Variants in ZNF710 observed in about 807,000 individuals in gnomAD.
ZNF710 encodes zinc finger protein 710.
A neutral mutation model predicts 50.6 loss-of-function variants in ZNF710; 13 were observed. That is an observed-to-expected ratio of 0.26 (90% confidence interval 0.17 to 0.41). The LOEUF (loss-of-function observed/expected upper bound fraction) is 0.41. Among genes scored for constraint, ZNF710 ranks in the 10% least tolerant of loss-of-function variants. The pLI, the probability that ZNF710 is intolerant of heterozygous loss-of-function variation, is 1.00. For missense variants in ZNF710, 721 were observed against 936.6 expected (o/e 0.77, Z 3.01); for synonymous variants, 383 against 397.0 (o/e 0.96, Z 0.42).
At chr15:90,009,953 C>T (rs140998343) in intron 1 of ZNF710, among the ~76,000 whole-genome samples, 1 of 152,292 alleles carries the variant, frequency 6.6e-6, no homozygotes, top group African/African-American at 2.4e-5. Flanking sequence ...CTTCCTCTTA[C>T]CTGACTTCTC....
At chr15:89,999,664 G>A (rs1162428168), upstream of ZNF710, among the ~76,000 whole-genome samples, 6 of 152,098 alleles carry the variant, frequency 3.9e-5, no homozygotes, top group Admixed American at 1.3e-4. Context: ...GCTGGTTTAG[G>A]GTGGGGCGAG....
intron 1 of ZNF710, among the ~76,000 whole-genome samples, chr15:90,053,731 G>C (rs1216451538): frequency 2.6e-5 from 4 of 152,106 alleles, no homozygotes. Context: ...TCCTGATGTG[G>C]GTGCCGGCTT....
At chr15:90,014,013 A>G (rs144364827) in intron 1 of ZNF710, among the ~76,000 whole-genome samples, 2 of 152,210 alleles carry the variant, frequency 1.3e-5, no homozygotes, top group East Asian at 1.9e-4. Flanking sequence ...TAGTTGTTTC[A>G]TAGATATTTA....
In ZNF710 at chr15:90,068,711, G is replaced by T. The variant is rs75188126; in HGVS notation, c.1458+116G>T. 2 of 1,189,842 alleles carry T rather than the reference G, an allele frequency of 1.7e-6. No homozygotes were observed. Among genetic ancestry groups the T allele is most frequent in the Non-Finnish European group, 2.3e-6 (2 of 856,852 alleles). The allele number at this position is 1,189,842 out of a possible 1,614,324, so 73.7% of individuals were successfully genotyped here. On this transcript the variant is annotated intron_variant, in intron 2 of 4. Transcript: ENST00000268154. The surrounding 1 kb of genome is among the most constrained non-coding windows in gnomAD (Gnocchi z 5.0). Reference sequence around the variant, plus strand: ...GGTGGTCTCCTAGTTTTATCGTTACGTACTTATTTTGATGAGTATTAGAAA... The same window carrying T: ...GGTGGTCTCCTAGTTTTATCGTTACTTACTTATTTTGATGAGTATTAGAAA...
chr15:90,044,177 G>A (rs978853852), intron 1 of ZNF710, among the ~76,000 whole-genome samples: 1 of 152,190 alleles, frequency 6.6e-6, no homozygotes, highest in Non-Finnish European at 1.5e-5. Context: ...GGACCTGTTC[G>A]TCACACAGGA....
At chr15:90,049,712 G>T (rs1899579152) in intron 1 of ZNF710, among the ~76,000 whole-genome samples, 1 of 151,976 alleles carries the variant, frequency 6.6e-6, no homozygotes, top group South Asian at 2.1e-4. Flanking sequence ...TCCTTCCCAG[G>T]CCCCACTGCC....
chr15:90,028,833 C>G (rs7171721), intron 1 of ZNF710, among the ~76,000 whole-genome samples: 87,458 of 151,892 alleles, frequency 0.58, 26,180 homozygotes, highest in African/African-American at 0.67. Flanking sequence ...TGGAAAATTG[C>G]TTGTGGCATC....
chr15:90,069,508 A>C (rs779744854), intron 2 of ZNF710, among the ~76,000 whole-genome samples: 1 of 152,100 alleles, frequency 6.6e-6, no homozygotes, highest in African/African-American at 2.4e-5. Context: ...AGATGGGAGG[A>C]CAGAGGCCAG....
intron 1 of ZNF710, among the ~76,000 whole-genome samples, chr15:90,038,428 T>C (rs1262713823): frequency 2.6e-5 from 4 of 152,252 alleles, no homozygotes; most frequent in African/African-American, 9.6e-5. Flanking sequence ...GTGGTTTTGC[T>C]GAGTCATTTG....
chr15:90,062,570 C>T lies in ZNF710; in HGVS notation c.-28-4540C>T, dbSNP rs1316722319. ...GGGTTGGGTGGGGAGGCAGCCCTGG[C>T]ACACAGGTGACGCACACCTGGCAGG... On this transcript the variant is annotated intron_variant, in intron 1 of 4. Coordinates refer to ENST00000268154, the MANE Select transcript of ZNF710 (RefSeq NM_198526.4). This position sits in a 1 kb window ranked among gnomAD's most constrained non-coding sequence, Gnocchi z 5.6. Among the ~76,000 whole-genome samples the T allele has an allele frequency of 6.6e-6, 1 of 152,192 alleles. No individual in the cohort carries two copies. The highest frequency in any genetic ancestry group is 1.5e-5 in the Non-Finnish European group (1 of 68,038).
chr15:90,074,274 C>G lies in ZNF710; in HGVS notation c.1809C>G (p.Ile603Met). Reference protein sequence around the residue: ...HMKVKHGVMDIGLDSQDPMME... With the variant: ...HMKVKHGVMDMGLDSQDPMME... ...AGGTCAAGCATGGCGTCATGGACAT[C>G]GGCCTGGACAGCCAAGGTGGGTGGG... The change falls in exon 4 of 5, where the codon ATC becomes ATG. Residue 603 changes from isoleucine (I) to methionine (M), a missense_variant. Transcript: ENST00000268154. The G allele has an allele frequency of 1.2e-6, 2 of 1,613,438 alleles. No homozygotes were observed. The highest frequency in any genetic ancestry group is 2.2e-5 in the East Asian group (1 of 44,870).
intron 1 of ZNF710, among the ~76,000 whole-genome samples, chr15:90,054,817 G>A (rs1490153550): frequency 1.3e-5 from 2 of 152,198 alleles, no homozygotes; most frequent in African/African-American, 4.8e-5. Flanking sequence ...GGACTTGGAG[G>A]AAAGATATGG....
rs2151543863 is a variant in ZNF710 at position 90,080,828 on chromosome 15, G to A, written c.*999G>A. ...AGTAAAGCCCACAGAGGGAAATCAAGGGTTTTTTTGAGCAAAGGGGGTCTT... is the reference window on the plus strand; with the variant it reads ...AGTAAAGCCCACAGAGGGAAATCAAAGGTTTTTTTGAGCAAAGGGGGTCTT... On this transcript the variant is annotated 3_prime_UTR_variant, in exon 5 of 5. Transcript: ENST00000268154. 6.6e-6 allele frequency: 1 copy of A among 152,356 alleles called. No individual in the cohort carries two copies. The highest frequency in any genetic ancestry group is 2.1e-4 in the South Asian group (1 of 4,832). The allele number at this position is 152,356 out of a possible 1,614,324, so 9.4% of individuals were successfully genotyped here.
chr15:90,076,797 C>T (rs1281944250), intron 4 of ZNF710, among the ~76,000 whole-genome samples: 3 of 150,564 alleles, frequency 2.0e-5, no homozygotes, highest in Non-Finnish European at 3.0e-5. Flanking sequence ...TACCAGAAAT[C>T]GCCCCACCCC....
intron 1 of ZNF710, among the ~76,000 whole-genome samples, chr15:90,056,647 C>T (rs924333895): frequency 2.6e-5 from 4 of 152,312 alleles, no homozygotes; most frequent in South Asian, 2.1e-4. Flanking sequence ...TAAAGAAGCA[C>T]GCATGCGTTT....
chr15:90,074,772 G>C, intron 4 of ZNF710: 1 of 336,976 alleles, frequency 3.0e-6, no homozygotes, highest in Non-Finnish European at 5.7e-6. Context: ...ATGGCAGCCG[G>C]AAAGATAAGG....
chr15:89,999,064 A>G (rs1271422736), upstream of ZNF710, among the ~76,000 whole-genome samples: 1 of 152,172 alleles, frequency 6.6e-6, no homozygotes, highest in African/African-American at 2.4e-5. Flanking sequence ...TGACAGTTCT[A>G]AGAACCTGTA....
intron 1 of ZNF710, among the ~76,000 whole-genome samples, chr15:90,045,196 T>G (rs1252615216): frequency 6.6e-6 from 1 of 152,178 alleles, no homozygotes; most frequent in Non-Finnish European, 1.5e-5. Context: ...GACTGTTGTC[T>G]TCATCTCTCT....
intron 1 of ZNF710, among the ~76,000 whole-genome samples, chr15:90,056,433 G>C: frequency 6.6e-6 from 1 of 152,110 alleles, no homozygotes; most frequent in East Asian, 1.9e-4. Flanking sequence ...AAGAGCTCCA[G>C]ATTAGTCCTG....
Sources: gnomAD v4.1 joint callset for allele counts (sites outside exome capture counted in the v4.1 genomes callset) on GRCh38, gnomAD v4.1.1 for gene constraint, Gnocchi (gnomAD v3.1) non-coding constraint, MANE v1.5 for transcripts, NCBI Gene and HGNC (gene_info 2026-07-23, HGNC 2026-07-21) for gene names.